Variants in TFG observed in about 807,000 individuals in gnomAD.
The protein encoded by TFG is trafficking from ER to golgi regulator, also known as protein TFG.
TFG carries 22 observed loss-of-function variants against 51.4 expected under a neutral mutation model. The observed-to-expected ratio is 0.43, with a 90% CI of 0.31 to 0.61. TFG has a LOEUF of 0.61. Ranked by LOEUF, TFG falls within the 20% of genes least tolerant of loss-of-function variation. The pLI, the probability that TFG is intolerant of heterozygous loss-of-function variation, is 0.12. For missense variants in TFG, 419 were observed against 487.7 expected (o/e 0.86, Z 1.33); for synonymous variants, 187 against 165.6 (o/e 1.13, Z -0.99).
At chr3:100,738,032 T>C (rs1054571822) in intron 6 of TFG, among the ~76,000 whole-genome samples, 2 of 151,688 alleles carry the variant, frequency 1.3e-5, no homozygotes, top group Non-Finnish European at 1.5e-5. Flanking sequence ...ATCACTCCAC[T>C]GCACTCCAGC....
At chr3:100,723,818 A>G (rs1162121188) in intron 3 of TFG, among the ~76,000 whole-genome samples, 2 of 151,926 alleles carry the variant, frequency 1.3e-5, no homozygotes, top group African/African-American at 4.8e-5. Context: ...TCTAGCAGTT[A>G]GGGAGAAATA....
intron 7 of TFG, among the ~76,000 whole-genome samples, chr3:100,746,178 T>C (rs1576380821): frequency 1.3e-5 from 2 of 152,174 alleles, no homozygotes; most frequent in South Asian, 4.1e-4. Context: ...ATGTTATTTA[T>C]AGAAAGAATA....
chr3:100,748,076 C>A, intron 7 of TFG, 73 bp from the exon 8 acceptor site: 1 of 1,476,436 alleles, frequency 6.8e-7, no homozygotes, highest in Non-Finnish European at 9.2e-7. Context: ...GTCCACCTAA[C>A]AGTAAGACTA....
chr3:100,740,960 G>A (rs1300215816), intron 6 of TFG, among the ~76,000 whole-genome samples: 2 of 152,130 alleles, frequency 1.3e-5, no homozygotes, highest in Non-Finnish European at 2.9e-5. Context: ...GCCTAGTGAT[G>A]TGTAGCCATC....
chr3:100,734,489 C>G (rs1022906624), intron 5 of TFG, among the ~76,000 whole-genome samples: 1 of 152,206 alleles, frequency 6.6e-6, no homozygotes, highest in African/African-American at 2.4e-5. Flanking sequence ...GTTGTTAACA[C>G]TGTGGTTTTC....
intron 7 of TFG, among the ~76,000 whole-genome samples, chr3:100,747,042 A>G (rs1390283622): frequency 6.6e-6 from 1 of 152,220 alleles, no homozygotes; most frequent in Non-Finnish European, 1.5e-5. Flanking sequence ...AAATTTAGTC[A>G]GGGTCTTCAC....
intron 2 of TFG, 37 bp downstream of exon 2, chr3:100,713,906 T>TAA: frequency 1.6e-6 from 2 of 1,272,450 alleles, no homozygotes; most frequent in Non-Finnish European, 2.1e-6. Context: ...TAAAGTCTTT[T>TAA]TAAAAAAAAA....
At chr3:100,719,933 T>C (rs759500423) in intron 2 of TFG, 42 bp from the exon 3 acceptor site, 1 of 1,316,134 alleles carries the variant, frequency 7.6e-7, no homozygotes, top group Admixed American at 2.4e-5. Flanking sequence ...ATCTGAAAAT[T>C]TAAAAAATTA....
At chr3:100,718,758 A>G (rs2095053247) in intron 2 of TFG, among the ~76,000 whole-genome samples, 1 of 151,756 alleles carries the variant, frequency 6.6e-6, no homozygotes, top group Admixed American at 6.6e-5. Context: ...GAGTTTCTCC[A>G]TGTTGGCCAG....
intron 6 of TFG, chr3:100,742,961 C>G (rs1457861883): frequency 6.6e-6 from 1 of 151,894 alleles, no homozygotes; most frequent in Non-Finnish European, 1.5e-5. Context: ...TGGTTTTGAC[C>G]AGGAGTTCCT....
intron 2 of TFG, among the ~76,000 whole-genome samples, chr3:100,715,733 T>G (rs2149060914): frequency 6.6e-6 from 1 of 152,224 alleles, no homozygotes; most frequent in Non-Finnish European, 1.5e-5. Flanking sequence ...TGAATTTTTT[T>G]TTTTTTTGAG....
chr3:100,736,272 C>T (rs2095105961), intron 5 of TFG, among the ~76,000 whole-genome samples: 1 of 152,052 alleles, frequency 6.6e-6, no homozygotes. Context: ...GTGCAGAATA[C>T]ATTGCTTGGA....
At chr3:100,740,556 CAG>C (rs1344956788) in intron 6 of TFG, among the ~76,000 whole-genome samples, 1 of 152,154 alleles carries the variant, frequency 6.6e-6, no homozygotes, top group African/African-American at 2.4e-5. Context: ...GAGGGACTAA[CAG>C]GGAGCAGATA....
chr3:100,748,103 G>C (rs2149105242), intron 7 of TFG, 46 bp from the exon 8 acceptor site: 1 of 1,566,316 alleles, frequency 6.4e-7, no homozygotes, highest in South Asian at 1.2e-5. Context: ...TGGAAAAGTA[G>C]TTTTACTAAA....
At chr3:100,724,026 C>G (rs1390226698) in intron 3 of TFG, among the ~76,000 whole-genome samples, 2 of 151,842 alleles carry the variant, frequency 1.3e-5, no homozygotes, top group African/African-American at 4.8e-5. Context: ...TTAAATAAGT[C>G]AAAGAAGAAA....
At chr3:100,741,508 A>G (rs2095121179) in intron 6 of TFG, among the ~76,000 whole-genome samples, 1 of 152,208 alleles carries the variant, frequency 6.6e-6, no homozygotes, top group Non-Finnish European at 1.5e-5. Context: ...AAAGTATTAA[A>G]AAAGTTAAAA....
At chr3:100,732,275 T>A (rs2095093781) in intron 4 of TFG, among the ~76,000 whole-genome samples, 1 of 152,184 alleles carries the variant, frequency 6.6e-6, no homozygotes, top group South Asian at 2.1e-4. Context: ...GTAAATAATT[T>A]TTTTGGAAAG....
At chr3:100,709,996 CGCGCCTGGGGGGCTCCGGGAGGGGAGT>C (rs935143667) in intron 1 of TFG, 1 of 150,954 alleles carries the variant, frequency 6.6e-6, no homozygotes, top group African/African-American at 2.4e-5. Context: ...GGCCAGGAGG[CGCGCCTGGGGGGCTCCGGGAGGGGAGT>C]GCGCCAGCTA....
intron 4 of TFG, among the ~76,000 whole-genome samples, chr3:100,731,536 C>G (rs560291570): frequency 6.6e-6 from 1 of 152,088 alleles, no homozygotes; most frequent in African/African-American, 2.4e-5. Context: ...AAACCCACAT[C>G]CAGTTTCAAC....
Sources: allele counts gnomAD v4.1 joint callset (sites outside exome capture counted in the v4.1 genomes callset), GRCh38; gene constraint gnomAD v4.1.1; transcripts MANE v1.5; gene names NCBI Gene and HGNC (gene_info 2026-07-23, HGNC 2026-07-21).